Variants in SETDB1 observed in about 807,000 individuals in gnomAD.
SETDB1 encodes the protein histone-lysine N-methyltransferase SETDB1.
Under a neutral mutation model 137.4 loss-of-function variants are expected in SETDB1, and 31 were observed. That is an observed-to-expected ratio of 0.23 (90% CI 0.17 to 0.30). The LOEUF (loss-of-function observed/expected upper bound fraction) is 0.30. Ranked by LOEUF, SETDB1 falls within the 10% of genes least tolerant of loss-of-function variation. The pLI is 1.00. For synonymous variants in SETDB1, 548 were observed against 579.9 expected (o/e 0.95, Z 0.79); for missense variants, 1,113 against 1,631.5 (o/e 0.68, Z 5.47).
In SETDB1 at chr1:150,950,929, T is replaced by C. The variant is rs587629818; in HGVS notation, c.2055T>C (p.Tyr685=). The change falls in exon 13 of 22, where the codon TAT becomes TAC. Residue 685 remains tyrosine, a synonymous_variant. Coordinates refer to ENST00000692827, the MANE Select transcript of SETDB1 (RefSeq NM_001366418.1). The stretch of plus-strand genomic sequence containing the variant: ...TTTACTATATTTTGGACATCACTTA[T>C]GGGAAGGAAGATGTTCCCCTATCCT... ...KPFYYILDIT[Y]GKEDVPLSCV... 184 of 1,614,106 alleles carry C rather than the reference T, an allele frequency of 1.1e-4. No individual in the cohort carries two copies. In the South Asian group the frequency reaches 1.7e-3, roughly 15 times the overall value.
intron 8 of SETDB1, among the ~76,000 whole-genome samples, chr1:150,944,348 T>C (rs1234541050): frequency 4.0e-5 from 6 of 151,792 alleles, no homozygotes; most frequent in Non-Finnish European, 8.8e-5. Flanking sequence ...TTTGTATAAA[T>C]GTGTAGTCTG....
chr1:150,934,777 C>G (rs1669896557), intron 3 of SETDB1, among the ~76,000 whole-genome samples: 1 of 151,750 alleles, frequency 6.6e-6, no homozygotes, highest in Non-Finnish European at 1.5e-5. Context: ...CAGTACAGTT[C>G]TGCTGACAGT....
intron 14 of SETDB1, among the ~76,000 whole-genome samples, chr1:150,955,962 C>G (rs950045800): frequency 4.6e-5 from 7 of 152,134 alleles, no homozygotes; most frequent in Non-Finnish European, 7.4e-5. Context: ...CGTGGTGGCA[C>G]ATGCCTGTAG....
intron 14 of SETDB1, among the ~76,000 whole-genome samples, 178 bp from the exon 15 acceptor site, chr1:150,959,000 A>G (rs1208828530): frequency 6.6e-6 from 1 of 152,180 alleles, no homozygotes; most frequent in African/African-American, 2.4e-5. Context: ...ACATTTCCAA[A>G]TGAATCAAAG....
At chr1:150,936,716 C>G (rs1213577595) in intron 3 of SETDB1, among the ~76,000 whole-genome samples, 1 of 152,096 alleles carries the variant, frequency 6.6e-6, no homozygotes, top group Non-Finnish European at 1.5e-5. Flanking sequence ...GACAGTATCT[C>G]ACTCTGTAAC....
At chr1:150,961,960 G>T (rs1670838037) in intron 16 of SETDB1, 170 bp from the exon 17 acceptor site, 1 of 750,194 alleles carries the variant, frequency 1.3e-6, no homozygotes, top group South Asian at 1.5e-5. Context: ...GCTCCAGCCA[G>T]GGAGTGTAGT....
intron 14 of SETDB1, among the ~76,000 whole-genome samples, chr1:150,958,254 CT>C (rs374122454): frequency 4.3e-4 from 40 of 94,076 alleles, no homozygotes; most frequent in East Asian, 9.8e-4. Flanking sequence ...TTTCTTTTTT[CT>C]TTTTTTTTTT....
chr1:150,945,621 G>A (rs1296271723), intron 9 of SETDB1, among the ~76,000 whole-genome samples: 2 of 152,112 alleles, frequency 1.3e-5, no homozygotes, highest in Non-Finnish European at 2.9e-5. Context: ...GATAGGCAGT[G>A]TGCCCAGAGT....
chr1:150,952,559 A>G (rs980888216), intron 14 of SETDB1, among the ~76,000 whole-genome samples: 6 of 152,100 alleles, frequency 3.9e-5, no homozygotes, highest in African/African-American at 1.4e-4. Flanking sequence ...TTTGAGTGAA[A>G]TTCAGTTTTT....
chr1:150,962,761 T>C, intron 18 of SETDB1, 42 bp downstream of exon 18: 3 of 1,603,348 alleles, frequency 1.9e-6, no homozygotes, highest in South Asian at 1.1e-5. Flanking sequence ...TAAAGGAAAA[T>C]GGGCCATTGT....
chr1:150,937,041 C>T (rs1669967240), intron 3 of SETDB1, among the ~76,000 whole-genome samples: 2 of 152,236 alleles, frequency 1.3e-5, no homozygotes, highest in East Asian at 3.9e-4. Flanking sequence ...ACAAGAATTG[C>T]TTGAACCCGG....
chr1:150,929,737 GT>G lies in SETDB1; in HGVS notation c.261-229del, dbSNP rs1257147357. 5.9e-5 allele frequency among the ~76,000 whole-genome samples: 9 copies of G among 152,152 alleles called. No homozygotes were observed. In the South Asian group the frequency reaches 1.7e-3, roughly 28 times the overall value. ...ATAATGAGGTAAGGGTGAAAGTACTGTACTTTGGGCTTACTTTGGATTTTTG... is the reference window on the plus strand; with the variant it reads ...ATAATGAGGTAAGGGTGAAAGTACTGACTTTGGGCTTACTTTGGATTTTTG... On this transcript the variant is annotated intron_variant, in intron 2 of 21. Transcript: ENST00000692827.
intron 9 of SETDB1, among the ~76,000 whole-genome samples, 160 bp from the exon 10 acceptor site, chr1:150,946,726 G>A (rs587603164): frequency 1.3e-5 from 2 of 152,274 alleles, no homozygotes; most frequent in South Asian, 2.1e-4. Flanking sequence ...GGGATTACAA[G>A]CTACAGGCGT....
chr1:150,961,208 C>T lies in SETDB1; in HGVS notation c.3132+17C>T, dbSNP rs1438749628. The T allele has an allele frequency of 6.2e-7, 1 of 1,610,492 alleles. No individual in the cohort carries two copies. On this transcript the variant is annotated intron_variant, in intron 16 of 21. Transcript: ENST00000692827. ...AAGAAAGAGGTAAGCAGTGGCAGAA[C>T]ACTCTGAGAGCTATGGCTTTAACTT...
chr1:150,944,629 C>T (rs965106687), intron 8 of SETDB1, among the ~76,000 whole-genome samples: 6 of 152,158 alleles, frequency 3.9e-5, no homozygotes, highest in Admixed American at 6.5e-5. Context: ...AACAAGTGAG[C>T]AAGAATTTCC....
rs1270825592 is a variant in SETDB1, at chr1:150,936,778, C to G, written c.413-3162C>G. ...ATAGCTCACTTCGACTTCAGCCTCC[C>G]AAGTAGCTGAGACTACAGGCAAGTG... On this transcript the variant is annotated intron_variant, in intron 3 of 21. Transcript: ENST00000692827. Among the ~76,000 whole-genome samples the G allele has an allele frequency of 3.9e-5, 6 of 152,118 alleles. No homozygotes were observed. The East Asian group carries it at 7.7e-4, about 20-fold the overall frequency.
At chr1:150,926,926 G>A (rs1669543091) in intron 1 of SETDB1, 2 of 485,778 alleles carry the variant, frequency 4.1e-6, no homozygotes, top group Admixed American at 2.5e-5. Context: ...AATTCCACAT[G>A]GAAGCAAAGT....
chr1:150,962,831 G>T, intron 18 of SETDB1, 112 bp downstream of exon 18: 1 of 1,457,608 alleles, frequency 6.9e-7, no homozygotes, highest in Admixed American at 1.9e-5. Context: ...CTTTAGCCTT[G>T]ACTTCCTGCC....
At chr1:150,956,747 C>CTT (rs1012951993) in intron 14 of SETDB1, among the ~76,000 whole-genome samples, 4 of 144,390 alleles carry the variant, frequency 2.8e-5, no homozygotes, top group African/African-American at 1.0e-4. Context: ...GAAATAATCT[C>CTT]TTTTTTTTTT....
Sources: allele counts gnomAD v4.1 joint callset (sites outside exome capture counted in the v4.1 genomes callset), GRCh38; gene constraint gnomAD v4.1.1; transcripts MANE v1.5; gene names NCBI Gene and HGNC (gene_info 2026-07-23, HGNC 2026-07-21).